Variants in PPIP5K2 observed in about 807,000 individuals in gnomAD.
PPIP5K2 encodes diphosphoinositol pentakisphosphate kinase 2.
In PPIP5K2, 105 loss-of-function variants were observed where a neutral mutation model predicts 154.6. The observed-to-expected ratio is 0.68, with a 90% CI of 0.58 to 0.80. The LOEUF (loss-of-function observed/expected upper bound fraction) is 0.80, where lower values mean the gene tolerates loss of function less well. Among genes scored for constraint, PPIP5K2 ranks in the 30% least tolerant of loss-of-function variants. The pLI, the probability that PPIP5K2 is intolerant of heterozygous loss-of-function variation, is 0.00. For missense variants in PPIP5K2, 992 were observed against 1,504.6 expected (o/e 0.66, Z 5.64); for synonymous variants, 480 against 490.3 (o/e 0.98, Z 0.28).
At chr5:103,124,647 AG>A (rs1789342110) in intron 1 of PPIP5K2, among the ~76,000 whole-genome samples, 1 of 152,250 alleles carries the variant, frequency 6.6e-6, no homozygotes, top group Non-Finnish European at 1.5e-5. Context: ...ATCACAAAGT[AG>A]TAAGTAATTT....
In PPIP5K2 at chr5:103,209,548, A is replaced by T. The variant is rs1467235165; in HGVS notation, c.*7914A>T. On this transcript the variant is annotated 3_prime_UTR_variant, in exon 31 of 31. Coordinates refer to ENST00000358359, the MANE Select transcript of PPIP5K2 (RefSeq NM_001276277.3). The stretch of plus-strand genomic sequence containing the variant: ...TACCCATTTTAAAGCAGTTAGAAAG[A>T]TGTAACTTGACAAGGAAAGCAGTCT... 2 of 152,188 alleles carry T rather than the reference A, an allele frequency of 1.3e-5. No homozygotes were observed. Among genetic ancestry groups the T allele is most frequent in the African/African-American group, 4.8e-5 (2 of 41,450 alleles). 9.4% of individuals were successfully genotyped at this position (152,188 alleles called of 1,614,324 possible). A position where few individuals can be genotyped will look rare whatever the true frequency, so the allele number is the denominator to read the frequency against.
At position 103,147,913 on chromosome 5, in the gene PPIP5K2, G is replaced by C. The variant is rs782625918; in HGVS notation, c.643-18G>C. On this transcript the variant is annotated intron_variant, in intron 6 of 30. Coordinates refer to ENST00000358359, the MANE Select transcript of PPIP5K2 (RefSeq NM_001276277.3). The stretch of plus-strand genomic sequence containing the variant: ...AATAATTTGCTTTTTTATATCGATG[G>C]ACATCTTTTGTTTTCAGATTGGCAG... 4.0e-6 allele frequency: 6 copies of C among 1,487,610 alleles called. No homozygotes were observed. The highest frequency in any genetic ancestry group is 5.5e-6 in the Non-Finnish European group (6 of 1,093,200). The allele number at this position is 1,487,610 out of a possible 1,614,324, so 92.2% of individuals were successfully genotyped here. A position where few individuals can be genotyped will look rare whatever the true frequency, so the allele number is the denominator to read the frequency against.
intron 1 of PPIP5K2, among the ~76,000 whole-genome samples, chr5:103,122,214 A>G (rs550474724): frequency 4.5e-4 from 68 of 152,340 alleles, no homozygotes; most frequent in African/African-American, 1.5e-3. Flanking sequence ...GAAATTTTTC[A>G]TAATAAAAAG....
intron 3 of PPIP5K2, among the ~76,000 whole-genome samples, chr5:103,135,841 C>T (rs1313104795): frequency 3.3e-5 from 5 of 151,908 alleles, no homozygotes; most frequent in African/African-American, 9.7e-5. Context: ...GTAATTAGTA[C>T]TTTTACCAGT....
chr5:103,177,554 G>A, intron 21 of PPIP5K2, 113 bp from the exon 22 acceptor site: 2 of 606,212 alleles, frequency 3.3e-6, no homozygotes, highest in South Asian at 2.4e-5. Context: ...CATATGATAA[G>A]TATTCACTTT....
At chr5:103,187,866 CT>C (rs1554225669) in intron 28 of PPIP5K2, among the ~76,000 whole-genome samples, 1 of 152,124 alleles carries the variant, frequency 6.6e-6, no homozygotes, top group African/African-American at 2.4e-5. Flanking sequence ...GCATATTTCA[CT>C]GTATAACATC....
At chr5:103,128,610 A>G (rs922917034) in intron 1 of PPIP5K2, among the ~76,000 whole-genome samples, 4 of 152,100 alleles carry the variant, frequency 2.6e-5, no homozygotes, top group African/African-American at 9.7e-5. Context: ...ACGCCTGGTT[A>G]TGTGGAAGAG....
rs781826612 is a variant in PPIP5K2 at position 103,149,281 on chromosome 5, T to C, written c.874T>C (p.Leu292=). The C allele has an allele frequency of 6.2e-6, 10 of 1,613,448 alleles. No individual in the cohort carries two copies. The South Asian group carries it at 9.9e-5, about 16-fold the overall frequency. ...TGTTATTCTCAATGCACGAGAGAAATTAATTGCTTGGAAAGTCTGCCTTGC... is the reference window on the plus strand; with the variant it reads ...TGTTATTCTCAATGCACGAGAGAAACTAATTGCTTGGAAAGTCTGCCTTGC... The part of the protein sequence containing the change: ...YPVILNAREK[L]IAWKVCLAFK... The change falls in exon 8 of 31, where the codon TTA becomes CTA. Residue 292 remains leucine (L), a synonymous_variant. Transcript: ENST00000358359.
At chr5:103,146,823 A>G (rs1282182472) in intron 6 of PPIP5K2, 142 bp downstream of exon 6, 3 of 681,662 alleles carry the variant, frequency 4.4e-6, no homozygotes, top group Non-Finnish European at 6.5e-6. Context: ...AAACTGATAT[A>G]CTTTGTTAGA....
rs148685566 is a variant in PPIP5K2, at chr5:103,147,426, A to G, written c.643-505A>G. On this transcript the variant is annotated intron_variant, in intron 6 of 30. Coordinates refer to ENST00000358359, the MANE Select transcript of PPIP5K2 (RefSeq NM_001276277.3). ...AAATAGTTGATAAAGATTTTTCATTATCTTCACAAGTTGCATATGAGCACA... is the reference window on the plus strand; with the variant it reads ...AAATAGTTGATAAAGATTTTTCATTGTCTTCACAAGTTGCATATGAGCACA... 3.6e-4 allele frequency among the ~76,000 whole-genome samples: 55 copies of G among 152,112 alleles called. 1 individual carries two copies. The highest frequency in any genetic ancestry group is 1.3e-3 in the African/African-American group (52 of 41,566).
At chr5:103,159,644 A>G (rs1262000742) in intron 17 of PPIP5K2, among the ~76,000 whole-genome samples, 3 of 152,270 alleles carry the variant, frequency 2.0e-5, no homozygotes, top group Non-Finnish European at 4.4e-5. Flanking sequence ...CTAACTTTAA[A>G]TCTATTGATT....
At chr5:103,126,977 A>G (rs150387969) in intron 1 of PPIP5K2, among the ~76,000 whole-genome samples, 10 of 152,294 alleles carry the variant, frequency 6.6e-5, no homozygotes, top group African/African-American at 2.2e-4. Flanking sequence ...ACACAGCCCA[A>G]TAGGTCTGCA....
At chr5:103,182,276 C>CT (rs1799662747) in intron 24 of PPIP5K2, among the ~76,000 whole-genome samples, 1 of 152,160 alleles carries the variant, frequency 6.6e-6, no homozygotes, top group Non-Finnish European at 1.5e-5. Flanking sequence ...CATTTTGCAA[C>CT]TCATCTATAT....
chr5:103,197,678 C>T (rs1002383962), intron 30 of PPIP5K2, among the ~76,000 whole-genome samples: 4 of 145,580 alleles, frequency 2.7e-5, no homozygotes, highest in East Asian at 4.2e-4. Context: ...CGGGTTCAAG[C>T]GATTCTCCTG....
chr5:103,142,403 C>G (rs1175868955), intron 5 of PPIP5K2, among the ~76,000 whole-genome samples: 1 of 152,298 alleles, frequency 6.6e-6, no homozygotes, highest in East Asian at 1.9e-4. Flanking sequence ...AGCCCCAGTT[C>G]CCGCTCGCGC....
At chr5:103,139,506 TC>T (rs1350531340) in intron 5 of PPIP5K2, among the ~76,000 whole-genome samples, 33 of 152,184 alleles carry the variant, frequency 2.2e-4, no homozygotes, top group African/African-American at 7.5e-4. Flanking sequence ...CAGGCTTAGA[TC>T]ATAACACTTA....
intron 4 of PPIP5K2, 118 bp downstream of exon 4, chr5:103,136,940 A>C: frequency 2.8e-6 from 2 of 712,920 alleles, no homozygotes; most frequent in South Asian, 1.8e-5. Flanking sequence ...CTTTCAAAAT[A>C]ATACTCAGAA....
rs895782652 is a variant in PPIP5K2 at position 103,177,076 on chromosome 5, T to C, written c.2530-591T>C. On this transcript the variant is annotated intron_variant, in intron 21 of 30. Transcript: ENST00000358359. ...GATAGTATTCTGTGGTTATGAAATATGATACTATACTAGGTACTTTGGAAC... is the reference window on the plus strand; with the variant it reads ...GATAGTATTCTGTGGTTATGAAATACGATACTATACTAGGTACTTTGGAAC... 2.0e-5 allele frequency among the ~76,000 whole-genome samples: 3 copies of C among 152,094 alleles called. No homozygotes were observed. The South Asian group carries it at 6.2e-4, about 32-fold the overall frequency.
rs1803377860 is a variant in PPIP5K2 at position 103,204,409 on chromosome 5, G to A, written c.*2775G>A. The A allele has an allele frequency of 6.6e-6, 1 of 152,094 alleles. No individual in the cohort carries two copies. The highest frequency in any genetic ancestry group is 1.9e-4 in the East Asian group (1 of 5,188). 9.4% of individuals were successfully genotyped at this position (152,094 alleles called of 1,614,324 possible). On this transcript the variant is annotated 3_prime_UTR_variant, in exon 31 of 31. Transcript: ENST00000358359. ...CCCCTCTCTAATTCTCTTTTCCTGT[G>A]TTGGGAGATATCAAAACAACAGAAT...
Sources: gnomAD v4.1 joint callset for allele counts (sites outside exome capture counted in the v4.1 genomes callset) on GRCh38, gnomAD v4.1.1 for gene constraint, MANE v1.5 for transcripts, NCBI Gene and HGNC (gene_info 2026-07-23, HGNC 2026-07-21) for gene names.